Variants in SOX6 observed in about 807,000 individuals in gnomAD.
SOX6 encodes the protein SRY-box transcription factor 6, also known as transcription factor SOX-6.
In SOX6, 11 loss-of-function variants were observed where a neutral mutation model predicts 97.8. That is an observed-to-expected ratio of 0.11 (90% CI 0.07 to 0.19). The LOEUF (loss-of-function observed/expected upper bound fraction) is 0.19, where lower values mean the gene tolerates loss of function less well. SOX6 is among the 10% of genes least tolerant of loss of function. SOX6 has a pLI of 1.00. For missense variants in SOX6, 810 were observed against 1,039.5 expected (o/e 0.78, Z 3.04); for synonymous variants, 360 against 371.4 (o/e 0.97, Z 0.35).
chr11:16,289,788 A>C (rs983421990), intron 3 of SOX6, among the ~76,000 whole-genome samples: 1 of 151,966 alleles, frequency 6.6e-6, no homozygotes, highest in African/African-American at 2.4e-5. Flanking sequence ...CCCAGAGTAA[A>C]ATGTGGTTTA....
chr11:16,157,984 C>T (rs1850646299), intron 6 of SOX6, among the ~76,000 whole-genome samples: 2 of 152,124 alleles, frequency 1.3e-5, no homozygotes, highest in African/African-American at 4.8e-5. Flanking sequence ...AATATATCTA[C>T]CATAACACTT....
intron 4 of SOX6, among the ~76,000 whole-genome samples, chr11:16,568,118 A>G (rs1847895741): frequency 6.6e-6 from 1 of 152,150 alleles, no homozygotes; most frequent in Admixed American, 6.5e-5. Flanking sequence ...TATGTGTATA[A>G]GATATATACA....
rs1159266545 is a variant in SOX6, at chr11:16,458,149, CCT to C, written c.-5+18164_-5+18165del. Among the ~76,000 whole-genome samples, 4 of 151,620 alleles carry C rather than the reference CCT, an allele frequency of 2.6e-5. No individual in the cohort carries two copies. In the East Asian group the frequency reaches 7.7e-4, roughly 29 times the overall value. ...CAAATGTTCTTAGATTTCCAAACCA[CCT>C]CTCTTTCCTTCCCAATCAAAAATTC... On this transcript the variant is annotated intron_variant, in intron 1 of 15. Transcript: ENST00000396356.
chr11:16,420,829 G>A (rs575348694), intron 1 of SOX6, among the ~76,000 whole-genome samples: 10 of 151,978 alleles, frequency 6.6e-5, no homozygotes, highest in African/African-American at 1.2e-4. Flanking sequence ...CATTTACATC[G>A]GGGTTATTTA....
chr11:16,577,425 G>A (rs1161562491), intron 4 of SOX6, among the ~76,000 whole-genome samples: 1 of 152,094 alleles, frequency 6.6e-6, no homozygotes, highest in Non-Finnish European at 1.5e-5. Context: ...TCGTATCTCA[G>A]CTAGTAGGAG....
intron 3 of SOX6, among the ~76,000 whole-genome samples, chr11:16,698,963 G>A (rs988093550): frequency 6.6e-6 from 1 of 152,226 alleles, no homozygotes; most frequent in African/African-American, 2.4e-5. Flanking sequence ...TTATCTAAAT[G>A]TGACACACAG....
At chr11:16,675,952 T>C (rs1323609264) in intron 3 of SOX6, among the ~76,000 whole-genome samples, 2 of 152,246 alleles carry the variant, frequency 1.3e-5, no homozygotes, top group Non-Finnish European at 2.9e-5. Flanking sequence ...TTCTTTGATG[T>C]ATAGCTTTAT....
chr11:16,449,328 T>C (rs1859674422), intron 1 of SOX6, among the ~76,000 whole-genome samples: 1 of 127,784 alleles, frequency 7.8e-6, no homozygotes, highest in Non-Finnish European at 1.6e-5. Context: ...AGTCTCGCTG[T>C]GTCGCCCAGG....
At chr11:16,429,720 T>C (rs1028567156) in intron 1 of SOX6, among the ~76,000 whole-genome samples, 1 of 151,888 alleles carries the variant, frequency 6.6e-6, no homozygotes, top group African/African-American at 2.4e-5. Flanking sequence ...AAAAATAACT[T>C]ATAAGTACTA....
chr11:15,968,997 C>A lies in SOX6; in HGVS notation c.*3812G>T, dbSNP rs1853220809. 1.3e-5 allele frequency: 2 copies of A among 151,962 alleles called. No homozygotes were observed. Among genetic ancestry groups the A allele is most frequent in the Non-Finnish European group, 2.9e-5 (2 of 68,002 alleles). 9.4% of individuals were successfully genotyped at this position (151,962 alleles called of 1,614,324 possible). ...CTAGCGGCTCGTATCCGCAAAGCGA[C>A]CTTTTTTTTCTCTCTCCCTTCCTAC... On this transcript the variant is annotated 3_prime_UTR_variant, in exon 16 of 16. Transcript: ENST00000683767.
intron 4 of SOX6, among the ~76,000 whole-genome samples, chr11:16,585,770 C>A (rs1848085582): frequency 6.8e-6 from 1 of 147,496 alleles, no homozygotes; most frequent in African/African-American, 2.5e-5. Flanking sequence ...ACAGCCAGGA[C>A]CTTCCAGGCT....
chr11:16,256,617 T>C, intron 3 of SOX6, among the ~76,000 whole-genome samples: 1 of 151,928 alleles, frequency 6.6e-6, no homozygotes, highest in South Asian at 2.1e-4. Context: ...GGTGAGAAAC[T>C]CAAAGCTTTC....
intron 2 of SOX6, among the ~76,000 whole-genome samples, chr11:16,715,373 T>C (rs975701880): frequency 6.6e-6 from 1 of 152,222 alleles, no homozygotes; most frequent in Non-Finnish European, 1.5e-5. Context: ...TAGAAAATTT[T>C]AAATTACATA....
chr11:16,472,737 T>C (rs898622068), intron 1 of SOX6, among the ~76,000 whole-genome samples: 12 of 152,116 alleles, frequency 7.9e-5, no homozygotes, highest in African/African-American at 2.4e-4. Context: ...AAGGTAAAGC[T>C]GGTATTAAAT....
chr11:16,661,788 G>T (rs1298027591), intron 3 of SOX6, among the ~76,000 whole-genome samples: 1 of 152,100 alleles, frequency 6.6e-6, no homozygotes, highest in Non-Finnish European at 1.5e-5. Flanking sequence ...AGCTGCAAAT[G>T]ATCCTCCCAC....
chr11:16,048,388 G>A (rs1403979632), intron 11 of SOX6, among the ~76,000 whole-genome samples: 2 of 152,172 alleles, frequency 1.3e-5, no homozygotes, highest in African/African-American at 2.4e-5. Context: ...CATTGAGGAA[G>A]ATTAACATCT....
At chr11:16,281,117 C>T (rs1854547430) in intron 3 of SOX6, among the ~76,000 whole-genome samples, 1 of 152,028 alleles carries the variant, frequency 6.6e-6, no homozygotes, top group Admixed American at 6.6e-5. Context: ...TCTACATCTG[C>T]CCTTCCAAAG....
chr11:16,248,002 A>T (rs1853390838), intron 3 of SOX6, among the ~76,000 whole-genome samples: 3 of 152,092 alleles, frequency 2.0e-5, no homozygotes, highest in African/African-American at 7.2e-5. Flanking sequence ...GGGTAAATAC[A>T]CCCATTCCAA....
chr11:16,285,037 C>T (rs1474858305), intron 3 of SOX6, among the ~76,000 whole-genome samples: 1 of 151,982 alleles, frequency 6.6e-6, no homozygotes, highest in Non-Finnish European at 1.5e-5. Flanking sequence ...TTAGATAAAA[C>T]AGACTATTTC....
Sources: allele counts gnomAD v4.1 joint callset (sites outside exome capture counted in the v4.1 genomes callset), GRCh38; gene constraint gnomAD v4.1.1; transcripts MANE v1.5; gene names NCBI Gene and HGNC (gene_info 2026-07-23, HGNC 2026-07-21).